GPS2: variants seen among roughly 807,000 people sequenced by gnomAD.
GPS2 encodes the protein GPS-2.
A neutral mutation model predicts 48.1 loss-of-function variants in GPS2; 22 were observed. The observed-to-expected ratio is 0.46, with a 90% CI of 0.33 to 0.65. The LOEUF is 0.65. Among genes scored for constraint, GPS2 ranks in the 30% least tolerant of loss-of-function variants. The pLI is 0.03. For missense variants in GPS2, 366 were observed against 406.8 expected, an observed-to-expected ratio of 0.90 and a Z score of 0.86; for synonymous variants, 202 against 142.5, an observed-to-expected ratio of 1.42 and a Z score of -2.98.
chr17:7,314,728 C>A, intron 2 of GPS2, 131 bp from the exon 3 acceptor site: 1 of 1,535,592 alleles, frequency 6.5e-7, no homozygotes, highest in South Asian at 1.2e-5. Flanking sequence ...ACAAGCTCCC[C>A]ATCGCGGCAA....
intron 8 of GPS2, 39 bp from the exon 9 acceptor site, chr17:7,313,330 CAG>C (rs753674388): frequency 2.5e-5 from 41 of 1,611,556 alleles, no homozygotes; most frequent in African/African-American, 2.5e-4. Flanking sequence ...GAGAATGAAA[CAG>C]GGAGGGGAGG....
rs1179298580 is a variant in GPS2 at position 7,314,359 on chromosome 17, C to T, written c.249G>A (p.Lys83=). The change falls in exon 4 of 11, where the codon AAG becomes AAA. Residue 83 remains lysine, a synonymous_variant. Transcript: ENST00000380728. Reference sequence around the variant, plus strand: ...TCTTGAGCTGCAGGAAAAGCTGGTGCTTCTCTTCCTGTAGAGCCAAAAGCT... The same window carrying T: ...TCTTGAGCTGCAGGAAAAGCTGGTGTTTCTCTTCCTGTAGAGCCAAAAGCT... ...EEKLLALQEE[K]HQLFLQLKKV... The T allele has an allele frequency of 2.5e-6, 4 of 1,614,072 alleles. No homozygotes were observed. The highest frequency in any genetic ancestry group is 1.3e-5 in the African/African-American group (1 of 74,920).
chr17:7,312,859 G>A lies in GPS2; in HGVS notation c.901-20C>T, dbSNP rs550583389. 5 of 1,608,370 alleles carry A rather than the reference G, an allele frequency of 3.1e-6. No individual in the cohort carries two copies. Among genetic ancestry groups the A allele is most frequent in the Non-Finnish European group, 4.3e-6 (5 of 1,174,890 alleles). On this transcript the variant is annotated intron_variant, in intron 10 of 10. Coordinates refer to ENST00000380728, the MANE Select transcript of GPS2 (RefSeq NM_004489.5). ...GCCCGACTGGTGGTGGTGATGAAAA[G>A]AGGGCTTTGTCACTGGGCATACTCT...
Position 7,313,429 on chromosome 17 carries a change from T to TGGCTGA in GPS2, c.669_674dup (p.Gln228_Pro229dup), listed in dbSNP as rs1235432731. The stretch of plus-strand genomic sequence containing the variant: ...CATGCACAGCATAGGGCTGTGGCTG[T>TGGCTGA]GGCTGAGATAGGTACTGCACTGCAG... On this transcript the variant is annotated inframe_insertion, in exon 8 of 11. Transcript: ENST00000380728. The TGGCTGA allele has an allele frequency of 1.9e-6, 3 of 1,614,182 alleles. No individual in the cohort carries two copies. The highest frequency in any genetic ancestry group is 1.7e-5 in the Admixed American group (1 of 60,024).
chr17:7,314,796 C>G, intron 2 of GPS2, 163 bp downstream of exon 2: 1 of 1,293,644 alleles, frequency 7.7e-7, no homozygotes, highest in Non-Finnish European at 1.1e-6. Flanking sequence ...CTCAAGGGTT[C>G]TGGAGCGTGG....
chr17:7,313,763 A>G, intron 6 of GPS2, 42 bp from the exon 7 acceptor site: 1 of 1,607,322 alleles, frequency 6.2e-7, no homozygotes, highest in Non-Finnish European at 8.5e-7. Context: ...ACTCCTTGAA[A>G]GCTGAAACCC....
intron 2 of GPS2, 169 bp from the exon 3 acceptor site, chr17:7,314,766 C>T: frequency 1.5e-6 from 2 of 1,365,078 alleles, no homozygotes; most frequent in East Asian, 2.3e-5. Context: ...TTATCAGGTG[C>T]TCTCCAAGGT....
At chr17:7,312,917 C>T (rs546566889) in intron 10 of GPS2, 78 bp from the exon 11 acceptor site, 1 of 1,494,216 alleles carries the variant, frequency 6.7e-7, no homozygotes, top group African/African-American at 1.4e-5. Flanking sequence ...GATAACCACC[C>T]CCAAAGAGGA....
rs2072877310 is a variant in GPS2 at position 7,312,806 on chromosome 17, G to A, written c.934C>T (p.Arg312Trp). The A allele has an allele frequency of 1.2e-6, 2 of 1,613,964 alleles. No individual in the cohort carries two copies. The highest frequency in any genetic ancestry group is 1.3e-5 in the African/African-American group (1 of 74,892). The part of the protein sequence containing the change: ...GFAATSQPGP[R>W]LPFIQHSQNP... ...TGGCTGTGTTGGATGAAGGGGAGCC[G>A]AGGGCCAGGTTGGCTGGTAGCTGCA... Residue 312 changes from arginine to tryptophan, a missense_variant, in exon 11 of 11, where the codon CGG (arginine) becomes TGG (tryptophan). Coordinates refer to ENST00000380728, the MANE Select transcript of GPS2 (RefSeq NM_004489.5).
rs774371895 is a variant in GPS2 at position 7,312,775 on chromosome 17, G to A, written c.965C>T (p.Pro322Leu). The A allele has an allele frequency of 1.1e-5, 18 of 1,613,914 alleles. No homozygotes were observed. The highest frequency in any genetic ancestry group is 1.4e-5 in the Non-Finnish European group (17 of 1,179,812). Reference protein sequence around the residue: ...RLPFIQHSQNPRFYHK With the variant: ...RLPFIQHSQNLRFYHK ...TGATGGTCACTTGTGGTAGAATCGC[G>A]GGTTCTGGCTGTGTTGGATGAAGGG... Residue 322 changes from proline to leucine, a missense_variant, in exon 11 of 11, where the codon CCG becomes CTG. Coordinates refer to ENST00000380728, the MANE Select transcript of GPS2 (RefSeq NM_004489.5).
chr17:7,313,680 T>C lies in GPS2; in HGVS notation c.522A>G (p.Thr174=). The C allele has an allele frequency of 1.2e-6, 2 of 1,614,194 alleles. No homozygotes were observed. The highest frequency in any genetic ancestry group is 1.1e-5 in the South Asian group (1 of 91,084). ...YVGSAAAFAG[T]PEHGQFQGSP... is the part of the protein sequence containing the mutation. Reference sequence around the variant, plus strand: ...TGCCTTGGAATTGTCCATGCTCTGGTGTCCCTGCAAAAGCAGCTGCTGAGC... The same window carrying C: ...TGCCTTGGAATTGTCCATGCTCTGGCGTCCCTGCAAAAGCAGCTGCTGAGC... Residue 174 remains threonine, a synonymous_variant, in exon 7 of 11, where the codon ACA becomes ACG. Transcript: ENST00000380728.
At chr17:7,314,807 A>T in intron 2 of GPS2, 152 bp downstream of exon 2, 5 of 1,279,188 alleles carry the variant, frequency 3.9e-6, no homozygotes, top group Non-Finnish European at 5.6e-6. Context: ...TGGAGCGTGG[A>T]ACAGGACGCT....
rs2072877384 is a variant in GPS2, at chr17:7,312,807, A to G, written c.933T>C (p.Pro311=). The G allele has an allele frequency of 6.2e-7, 1 of 1,614,066 alleles. No individual in the cohort carries two copies. Reference sequence around the variant, plus strand: ...GGCTGTGTTGGATGAAGGGGAGCCGAGGGCCAGGTTGGCTGGTAGCTGCAA... The same window carrying G: ...GGCTGTGTTGGATGAAGGGGAGCCGGGGGCCAGGTTGGCTGGTAGCTGCAA... ...SGFAATSQPG[P]RLPFIQHSQN... is the part of the protein sequence containing the mutation. Residue 311 remains proline (P), a synonymous_variant, in exon 11 of 11, where the codon CCT becomes CCC. Coordinates refer to ENST00000380728, the MANE Select transcript of GPS2 (RefSeq NM_004489.5).
chr17:7,314,577 T>C lies in GPS2; in HGVS notation c.115A>G (p.Met39Val). Reference sequence around the variant, plus strand: ...TCTTCCTTCATCTTCTGTTCCATCATCTTATCCACCTCTTCTTCCTCTGGA... The same window carrying C: ...TCTTCCTTCATCTTCTGTTCCATCACCTTATCCACCTCTTCTTCCTCTGGA... ...KRQEEEEVDK[M>V]MEQKMKEEQE... Residue 39 changes from methionine (M) to valine (V), a missense_variant, in exon 3 of 11, where the codon ATG becomes GTG. Transcript: ENST00000380728. 1 of 1,614,018 alleles carries C rather than the reference T, an allele frequency of 6.2e-7. No homozygotes were observed. The highest frequency in any genetic ancestry group is 8.5e-7 in the Non-Finnish European group (1 of 1,179,856).
At chr17:7,314,731 C>A (rs982852011) in intron 2 of GPS2, 134 bp from the exon 3 acceptor site, 2 of 1,524,198 alleles carry the variant, frequency 1.3e-6, no homozygotes, top group African/African-American at 2.7e-5. Flanking sequence ...AGCTCCCCAT[C>A]GCGGCAATAG....
intron 2 of GPS2, 124 bp downstream of exon 2, chr17:7,314,835 G>A (rs561771120): frequency 3.8e-6 from 5 of 1,308,700 alleles, no homozygotes; most frequent in South Asian, 1.2e-5. Flanking sequence ...CACCACAACG[G>A]GGCTATTCCT....
intron 6 of GPS2, 61 bp from the exon 7 acceptor site, chr17:7,313,782 G>A (rs558760567): frequency 6.8e-5 from 109 of 1,591,508 alleles, no homozygotes; most frequent in Non-Finnish European, 7.7e-5. Flanking sequence ...CCAGTGACTT[G>A]TGTGTATCTG....
rs2072904747 is a variant in GPS2 at position 7,314,145 on chromosome 17, A to T, written c.332T>A (p.Leu111Gln). 1.2e-6 allele frequency: 2 copies of T among 1,613,704 alleles called. No homozygotes were observed. Among genetic ancestry groups the T allele is most frequent in the Non-Finnish European group, 8.5e-7 (1 of 1,179,724 alleles). ...RRKEQSDLTT[L>Q]TSAAYQQSLT... is the part of the protein sequence containing the mutation. The stretch of plus-strand genomic sequence containing the variant: ...GCTCTGCTGGTATGCAGCTGATGTT[A>T]GGGTGGTCAGGTCACTGGAGTGAAA... Residue 111 changes from leucine (L) to glutamine (Q), a missense_variant, in exon 5 of 11, where the codon CTA becomes CAA. By Grantham distance (113) the Leu-to-Gln change is moderately radical. Transcript: ENST00000380728.
At position 7,313,665 on chromosome 17, in the gene GPS2, T is replaced by A; in HGVS notation, c.537A>T (p.Gln179His). ...AAFAGTPEHG[Q>H]FQGSPGGAYG... ...AGGCACCACCAGGACTGCCTTGGAA[T>A]TGTCCATGCTCTGGTGTCCCTGCAA... Residue 179 changes from glutamine (Q) to histidine (H), a missense_variant, in exon 7 of 11, where the codon CAA (glutamine) becomes CAT (histidine). This residue lies in a region of GPS2 where 275 missense variants were observed against 282.3 expected (regional missense o/e 0.97). Transcript: ENST00000380728. 1 of 1,614,132 alleles carries A rather than the reference T, an allele frequency of 6.2e-7. No homozygotes were observed. Among genetic ancestry groups the A allele is most frequent in the African/African-American group, 1.3e-5 (1 of 75,018 alleles).
Sources: allele counts gnomAD v4.1 joint callset, GRCh38; gene constraint gnomAD v4.1.1; regional missense constraint gnomAD v4.1.1; transcripts MANE v1.5; gene names NCBI Gene and HGNC (gene_info 2026-07-23, HGNC 2026-07-21).